Variants in SCLT1 observed in about 807,000 individuals in gnomAD.
The protein encoded by SCLT1 is sodium channel-associated protein 1.
A neutral mutation model predicts 112.8 loss-of-function variants in SCLT1; 78 were observed. The ratio of observed to expected loss-of-function variants is 0.69; its 90% confidence interval spans 0.58 to 0.83. The LOEUF is 0.83. SCLT1 is among the 40% of genes least tolerant of loss of function. The pLI is 0.00. For missense variants in SCLT1, 747 were observed against 770.4 expected (o/e 0.97, Z 0.36); for synonymous variants, 257 against 254.7 (o/e 1.01, Z -0.09).
chr4:128,916,756 G>T (rs897639468), intron 18 of SCLT1, among the ~76,000 whole-genome samples: 1 of 152,124 alleles, frequency 6.6e-6, no homozygotes, highest in Non-Finnish European at 1.5e-5. Flanking sequence ...ATGTGTCCTT[G>T]TATCATAGGC....
At chr4:128,906,937 G>C (rs1734738201) in intron 18 of SCLT1, among the ~76,000 whole-genome samples, 1 of 152,140 alleles carries the variant, frequency 6.6e-6, no homozygotes, top group African/African-American at 2.4e-5. Context: ...AGAATCGGGG[G>C]TTAGAGCTGT....
chr4:129,037,044 G>A (rs1015529352), intron 5 of SCLT1: 6 of 151,448 alleles, frequency 4.0e-5, no homozygotes, highest in Admixed American at 3.3e-4. Flanking sequence ...ACATTTTTTA[G>A]TAGCAAATAT....
Position 129,012,453 on chromosome 4 carries a change from T to C in SCLT1, c.291-8577A>G, listed in dbSNP as rs1201958429. On this transcript the variant is annotated intron_variant, in intron 5 of 20. Transcript: ENST00000281142. ...TTACTTCTGATTACGTGATTGATTT[T>C]AGAACATGTGCCATGTGGTGATGAG... Among the ~76,000 whole-genome samples the C allele has an allele frequency of 2.0e-5, 3 of 152,228 alleles. No homozygotes were observed. In the East Asian group the frequency reaches 5.8e-4, roughly 29 times the overall value.
At chr4:128,986,469 T>G (rs1426415680) in intron 9 of SCLT1, among the ~76,000 whole-genome samples, 1 of 152,060 alleles carries the variant, frequency 6.6e-6, no homozygotes, top group Admixed American at 6.5e-5. Flanking sequence ...GCACTTAGGG[T>G]ACAATACAGT....
intron 18 of SCLT1, among the ~76,000 whole-genome samples, chr4:128,912,713 C>A (rs1362714571): frequency 6.6e-6 from 1 of 151,700 alleles, no homozygotes. Context: ...TCCTCTTCCC[C>A]TCCTCCTCTT....
At chr4:128,973,552 G>C (rs1740891613) in intron 9 of SCLT1, among the ~76,000 whole-genome samples, 1 of 151,702 alleles carries the variant, frequency 6.6e-6, no homozygotes, top group South Asian at 2.1e-4. Flanking sequence ...GAATGTTACA[G>C]TACAACTATA....
chr4:129,039,651 T>C lies in SCLT1; in HGVS notation c.235-555A>G, dbSNP rs571631685. 5.5e-4 allele frequency: 86 copies of C among 157,690 alleles called. No individual in the cohort carries two copies. The South Asian group carries it at 0.015, about 28-fold the overall frequency. 9.8% of individuals were successfully genotyped at this position (157,690 alleles called of 1,614,324 possible). ...GCGCTAAGGTAAACAGACATGCTCATTGAAAAATAGTAGGAAAGATGGTTA... is the reference window on the plus strand; with the variant it reads ...GCGCTAAGGTAAACAGACATGCTCACTGAAAAATAGTAGGAAAGATGGTTA... On this transcript the variant is annotated intron_variant, in intron 4 of 20. Transcript: ENST00000281142.
At chr4:128,965,057 AAT>A (rs1740057724) in intron 11 of SCLT1, among the ~76,000 whole-genome samples, 168 bp downstream of exon 11, 1 of 152,192 alleles carries the variant, frequency 6.6e-6, no homozygotes, top group Non-Finnish European at 1.5e-5. Context: ...CAATCTGTTG[AAT>A]ATAGTTTTTA....
chr4:128,966,574 T>C (rs1162804157), intron 10 of SCLT1, among the ~76,000 whole-genome samples: 1 of 152,104 alleles, frequency 6.6e-6, no homozygotes, highest in African/African-American at 2.4e-5. Context: ...TATGTACACA[T>C]GTTATTTCAT....
chr4:128,950,490 C>G (rs1038085063), intron 14 of SCLT1, among the ~76,000 whole-genome samples: 3 of 152,134 alleles, frequency 2.0e-5, no homozygotes, highest in African/African-American at 7.2e-5. Flanking sequence ...ATTACTATTA[C>G]AAAGTTTTTA....
intron 18 of SCLT1, among the ~76,000 whole-genome samples, chr4:128,914,332 C>A (rs532455400): frequency 2.6e-5 from 4 of 151,926 alleles, no homozygotes; most frequent in Admixed American, 6.6e-5. Context: ...CCACTACACT[C>A]CAGCCTGGGC....
chr4:128,964,582 C>T (rs898491635), intron 11 of SCLT1, among the ~76,000 whole-genome samples: 1 of 152,086 alleles, frequency 6.6e-6, no homozygotes, highest in African/African-American at 2.4e-5. Context: ...GAAGCTAATC[C>T]TTTTTGTAGG....
chr4:129,013,353 C>T (rs973891125), intron 5 of SCLT1, among the ~76,000 whole-genome samples: 5 of 152,096 alleles, frequency 3.3e-5, no homozygotes, highest in Admixed American at 6.6e-5. Context: ...ATCCTGTCAT[C>T]GTGTCAGCTG....
At chr4:128,891,769 C>T (rs554269975) in intron 18 of SCLT1, among the ~76,000 whole-genome samples, 2 of 151,688 alleles carry the variant, frequency 1.3e-5, no homozygotes, top group Admixed American at 6.6e-5. Flanking sequence ...CTCAACCTCC[C>T]GAGTAGCTGG....
chr4:129,022,290 T>C (rs1434797725), intron 5 of SCLT1, among the ~76,000 whole-genome samples: 1 of 152,030 alleles, frequency 6.6e-6, no homozygotes, highest in Non-Finnish European at 1.5e-5. Flanking sequence ...GGACAAAGAA[T>C]GAGGTTAAAG....
chr4:128,999,892 G>T, intron 6 of SCLT1, 98 bp from the exon 7 acceptor site: 1 of 702,718 alleles, frequency 1.4e-6, no homozygotes, highest in Non-Finnish European at 2.2e-6. Context: ...TTCTTATAAA[G>T]TCATAAAATA....
intron 5 of SCLT1, among the ~76,000 whole-genome samples, chr4:129,011,036 T>C (rs1333554152): frequency 1.3e-5 from 2 of 152,206 alleles, no homozygotes; most frequent in Admixed American, 6.5e-5. Context: ...GCACATTCCA[T>C]ATGATGCTGG....
chr4:128,936,771 T>C lies in SCLT1; in HGVS notation c.1713A>G (p.Arg571=), dbSNP rs1323841888. The stretch of plus-strand genomic sequence containing the variant: ...GATGCCTCAGTTCAACAATGGAATT[T>C]CTATTACTGTCTTCCATCTCTCTCA... ...VQLREMEDSN[R]NSIVELRHLL... is the part of the protein sequence containing the mutation. The change falls in exon 18 of 21, where the codon AGA becomes AGG. Residue 571 remains arginine (R), a synonymous_variant. Coordinates refer to ENST00000281142, the MANE Select transcript of SCLT1 (RefSeq NM_144643.4). The C allele has an allele frequency of 1.2e-6, 2 of 1,608,924 alleles. No homozygotes were observed. Among genetic ancestry groups the C allele is most frequent in the Non-Finnish European group, 1.7e-6 (2 of 1,175,638 alleles).
chr4:129,061,988 TGGCGAGGTCTGTAGGAGTTAATGCA>T (rs1268601026), intron 2 of SCLT1, among the ~76,000 whole-genome samples: 1 of 152,058 alleles, frequency 6.6e-6, no homozygotes, highest in Non-Finnish European at 1.5e-5. Context: ...GGGACCCCAG[TGGCGAGGTCTGTAGGAGTTAATGCA>T]GGCTGCATTA....
Sources: allele counts gnomAD v4.1 joint callset (sites outside exome capture counted in the v4.1 genomes callset), GRCh38; gene constraint gnomAD v4.1.1; transcripts MANE v1.5; gene names NCBI Gene and HGNC (gene_info 2026-07-23, HGNC 2026-07-21).